Variants in IGLL1 observed in about 807,000 individuals in gnomAD.
The protein encoded by IGLL1 is immunoglobulin lambda like polypeptide 1, also known as immunoglobulin lambda-like polypeptide 1.
Under a neutral mutation model 10.5 loss-of-function variants are expected in IGLL1, and 10 were observed. The observed-to-expected ratio is 0.95, with a 90% CI of 0.59 to 1.62. The LOEUF is 1.62. Ranked by LOEUF, IGLL1 falls within the 40% of genes most tolerant of loss-of-function variation. IGLL1 has a pLI of 0.00. For missense variants in IGLL1, 284 were observed against 278.7 expected, an observed-to-expected ratio of 1.02 and a Z score of -0.14; for synonymous variants, 141 against 122.7, an observed-to-expected ratio of 1.15 and a Z score of -0.99.
intron 1 of IGLL1, among the ~76,000 whole-genome samples, chr22:23,576,133 C>T (rs559802779): frequency 1.6e-4 from 24 of 152,194 alleles, no homozygotes; most frequent in South Asian, 6.2e-4. Flanking sequence ...GACCACCTTC[C>T]CCCAGCCCAG....
Position 23,580,001 on chromosome 22 carries a change from T to C in IGLL1, c.190A>G (p.Arg64Gly). 1 of 1,584,100 alleles carries C rather than the reference T, an allele frequency of 6.3e-7. No individual in the cohort carries two copies. Among genetic ancestry groups the C allele is most frequent in the Non-Finnish European group, 8.6e-7 (1 of 1,169,582 alleles). Residue 64 changes from arginine (R) to glycine (G), a missense_variant, in exon 1 of 3, where the codon AGG becomes GGG. By Grantham distance (125) the Arg-to-Gly change is moderately radical. Coordinates refer to ENST00000330377, the MANE Select transcript of IGLL1 (RefSeq NM_020070.4). The stretch of plus-strand genomic sequence containing the variant: ...ACCCCTTACCTGCCCCACCGGCTCC[T>C]CAGGCTGGACCGGCTGCTTCCTCCA... ...APGGSSRSSL[R>G]SRWGRFLLQR...
intron 1 of IGLL1, among the ~76,000 whole-genome samples, chr22:23,576,239 C>T (rs965769739): frequency 3.3e-5 from 5 of 151,804 alleles, no homozygotes; most frequent in African/African-American, 1.2e-4. Flanking sequence ...CCTCGCCTCC[C>T]ACACTGAAAT....
chr22:23,574,737 C>T (rs1198563525), intron 2 of IGLL1, among the ~76,000 whole-genome samples: 1 of 152,174 alleles, frequency 6.6e-6, no homozygotes, highest in Non-Finnish European at 1.5e-5. Context: ...AGCCCAGGCC[C>T]TGGGACCAGG....
In IGLL1 at chr22:23,580,123, C is replaced by G; in HGVS notation, c.68G>C (p.Arg23Pro). The stretch of plus-strand genomic sequence containing the variant: ...CAGACCCAGCAGCAGCAGGGGCCAG[C>G]GCTGCCTGAGGTTGGGGCCTGGCTC... Reference protein sequence around the residue: ...PGEPGPNLRQRWPLLLLGLAV... With the variant: ...PGEPGPNLRQPWPLLLLGLAV... Residue 23 changes from arginine (R) to proline (P), a missense_variant, in exon 1 of 3, where the codon CGC (arginine) becomes CCC (proline). By Grantham distance (103) the Arg-to-Pro change is moderately radical. Transcript: ENST00000330377. 6.4e-7 allele frequency: 1 copy of G among 1,564,464 alleles called. No homozygotes were observed. The highest frequency in any genetic ancestry group is 8.6e-7 in the Non-Finnish European group (1 of 1,157,582).
rs369477437 is a variant in IGLL1 at position 23,575,110 on chromosome 22, C to T, written c.207-28G>A. ...GCTGGGAGTGAGGGGCACAGGGCTG[C>T]AGTGTGTAGGCTGTGACCCAGGCAC... On this transcript the variant is annotated intron_variant, in intron 1 of 2. Transcript: ENST00000330377. 87 of 1,515,424 alleles carry T rather than the reference C, an allele frequency of 5.7e-5. No homozygotes were observed. The African/African-American group carries it at 1.1e-3, about 19-fold the overall frequency. 93.9% of individuals were successfully genotyped at this position (1,515,424 alleles called of 1,614,324 possible). A position where few individuals can be genotyped will look rare whatever the true frequency, so the allele number is the denominator to read the frequency against.
In IGLL1 at chr22:23,573,299, C is replaced by T. The variant is rs747588803; in HGVS notation, c.609G>A (p.Val203=). The change falls in exon 3 of 3, where the codon GTG becomes GTA. Residue 203 remains valine (V), a synonymous_variant. Coordinates refer to ENST00000330377, the MANE Select transcript of IGLL1 (RefSeq NM_020070.4). Reference sequence around the variant, plus strand: ...ATTCTGCAGGGGCCACCGTCTTCTCCACGGTGCTCCCTTCGTGCATGACCT... The same window carrying T: ...ATTCTGCAGGGGCCACCGTCTTCTCTACGGTGCTCCCTTCGTGCATGACCT... ...SCQVMHEGST[V]EKTVAPAECS is the part of the protein sequence containing the mutation. 1.9e-6 allele frequency: 3 copies of T among 1,614,032 alleles called. No individual in the cohort carries two copies. Among genetic ancestry groups the T allele is most frequent in the South Asian group, 1.1e-5 (1 of 91,070 alleles).
chr22:23,576,533 C>T (rs1376806257), intron 1 of IGLL1, among the ~76,000 whole-genome samples: 6 of 151,996 alleles, frequency 3.9e-5, no homozygotes, highest in African/African-American at 9.7e-5. Context: ...TGGGTTCAAG[C>T]GATTCTCCTG....
In IGLL1 at chr22:23,573,281, A is replaced by G. The variant is rs757179552; in HGVS notation, c.627T>C (p.Pro209=). The G allele has an allele frequency of 6.2e-7, 1 of 1,614,022 alleles. No homozygotes were observed. Among genetic ancestry groups the G allele is most frequent in the South Asian group, 1.1e-5 (1 of 91,062 alleles). ...GGCTGGGAACCTATGAACATTCTGC[A>G]GGGGCCACCGTCTTCTCCACGGTGC... ...EGSTVEKTVA[P]AECS Residue 209 remains proline (P), a synonymous_variant, in exon 3 of 3, where the codon CCT becomes CCC. Transcript: ENST00000330377.
In IGLL1 at chr22:23,573,329, G is replaced by T. The variant is rs758691935; in HGVS notation, c.579C>A (p.Ser193Arg). ...PEQWRSRRSYSCQVMHEGSTV... is the reference protein window; with the variant it reads ...PEQWRSRRSYRCQVMHEGSTV... ...TGCTCCCTTCGTGCATGACCTGGCAGCTGTAGCTTCTGCGGGACCTCCACT... is the reference window on the plus strand; with the variant it reads ...TGCTCCCTTCGTGCATGACCTGGCATCTGTAGCTTCTGCGGGACCTCCACT... Residue 193 changes from serine to arginine, a missense_variant, in exon 3 of 3, where the codon AGC becomes AGA. Transcript: ENST00000330377. 11 of 1,614,004 alleles carry T rather than the reference G, an allele frequency of 6.8e-6. No homozygotes were observed. The highest frequency in any genetic ancestry group is 8.5e-6 in the Non-Finnish European group (10 of 1,180,030).
chr22:23,574,902 G>T, intron 2 of IGLL1, 65 bp downstream of exon 2: 2 of 1,136,344 alleles, frequency 1.8e-6, no homozygotes, highest in South Asian at 1.3e-5. Flanking sequence ...AAGCCCCAGA[G>T]AGAGAAAACA....
chr22:23,574,561 G>A (rs754169460), intron 2 of IGLL1, among the ~76,000 whole-genome samples: 12 of 152,142 alleles, frequency 7.9e-5, no homozygotes, highest in South Asian at 2.1e-4. Flanking sequence ...CCAGGCCCCC[G>A]TGTGGCCCTC....
At chr22:23,576,573 G>C (rs1247329928) in intron 1 of IGLL1, among the ~76,000 whole-genome samples, 1 of 151,962 alleles carries the variant, frequency 6.6e-6, no homozygotes, top group Non-Finnish European at 1.5e-5. Flanking sequence ...TGGGATTACA[G>C]GCATGTGCCA....
chr22:23,579,972 TCTCACCCCTTACCTGCCCCACCGG>T lies in IGLL1; in HGVS notation c.195_206+12del. 6.4e-7 allele frequency: 1 copy of T among 1,567,718 alleles called. No homozygotes were observed. The highest frequency in any genetic ancestry group is 1.2e-5 in the South Asian group (1 of 86,356). ...CCAGACCCCCACATCCCCTGGAATC[TCTCACCCCTTACCTGCCCCACCGG>T]CTCCTCAGGCTGGACCGGCTGCTTC... On this transcript the variant is annotated splice_donor_variant and splice_donor_5th_base_variant and coding_sequence_variant and intron_variant, in exon 1 of 3. Transcript: ENST00000330377. LOFTEE classifies it high-confidence loss of function.
chr22:23,578,197 A>C (rs1925157236), intron 1 of IGLL1, among the ~76,000 whole-genome samples: 1 of 152,164 alleles, frequency 6.6e-6, no homozygotes, highest in Non-Finnish European at 1.5e-5. Context: ...TATTTCTATA[A>C]GATTTCTAAA....
At chr22:23,577,272 C>T (rs919403860) in intron 1 of IGLL1, among the ~76,000 whole-genome samples, 1 of 151,816 alleles carries the variant, frequency 6.6e-6, no homozygotes, top group Non-Finnish European at 1.5e-5. Context: ...GGTGTGGTAG[C>T]GCATGCTTGT....
intron 1 of IGLL1, among the ~76,000 whole-genome samples, chr22:23,575,961 T>C (rs1925039535): frequency 6.6e-6 from 1 of 151,432 alleles, no homozygotes; most frequent in East Asian, 1.9e-4. Flanking sequence ...CACCCAGACC[T>C]CTTTCTTAGC....
intron 1 of IGLL1, among the ~76,000 whole-genome samples, chr22:23,579,702 C>T (rs1022568966): frequency 8.6e-5 from 13 of 151,878 alleles, no homozygotes; most frequent in African/African-American, 2.9e-4. Flanking sequence ...TGCCCTACCC[C>T]AAGGACTAGG....
At chr22:23,575,827 G>A (rs1403102938) in intron 1 of IGLL1, among the ~76,000 whole-genome samples, 1 of 152,184 alleles carries the variant, frequency 6.6e-6, no homozygotes, top group Non-Finnish European at 1.5e-5. Flanking sequence ...TCCGCTGGAT[G>A]CGACACAGGG....
intron 1 of IGLL1, among the ~76,000 whole-genome samples, chr22:23,577,350 G>A (rs775993570): frequency 1.3e-5 from 2 of 151,896 alleles, no homozygotes; most frequent in Non-Finnish European, 2.9e-5. Flanking sequence ...GCCAGCCCAG[G>A]CAACATAGTG....
Sources: allele counts gnomAD v4.1 joint callset (sites outside exome capture counted in the v4.1 genomes callset), GRCh38; gene constraint gnomAD v4.1.1; transcripts MANE v1.5; gene names NCBI Gene and HGNC (gene_info 2026-07-23, HGNC 2026-07-21).